Variants in LRFN5 observed in about 807,000 individuals in gnomAD.
LRFN5 encodes the protein leucine rich repeat and fibronectin type III domain containing 5, also known as leucine-rich repeat and fibronectin type-III domain-containing protein 5.
In LRFN5, 24 loss-of-function variants were observed where a neutral mutation model predicts 45.6. The ratio of observed to expected loss-of-function variants is 0.53; its 90% CI spans 0.38 to 0.74. The LOEUF (loss-of-function observed/expected upper bound fraction) is 0.74. Among genes scored for constraint, LRFN5 ranks in the 30% least tolerant of loss-of-function variants. The pLI is 0.00. For missense variants in LRFN5, 776 were observed against 861.5 expected (o/e 0.90, Z 1.24); for synonymous variants, 340 against 313.8 (o/e 1.08, Z -0.88).
chr14:41,652,919 G>A (rs1332148570), intron 1 of LRFN5, among the ~76,000 whole-genome samples: 1 of 152,032 alleles, frequency 6.6e-6, no homozygotes, highest in Non-Finnish European at 1.5e-5. Context: ...GCTCAGTATT[G>A]TTGAGAGTGT....
At chr14:41,839,398 A>G (rs1449353944) in intron 2 of LRFN5, among the ~76,000 whole-genome samples, 2 of 152,072 alleles carry the variant, frequency 1.3e-5, no homozygotes, top group East Asian at 3.9e-4. Context: ...TGTATATTTG[A>G]TCCTTAAGAT....
intron 1 of LRFN5, among the ~76,000 whole-genome samples, chr14:41,645,650 T>A (rs532358397): frequency 4.6e-5 from 7 of 152,322 alleles, no homozygotes; most frequent in Admixed American, 1.3e-4. Context: ...ATGTTCCTCT[T>A]AAACTAAAAT....
At chr14:41,736,578 G>T (rs994867809) in intron 1 of LRFN5, among the ~76,000 whole-genome samples, 1 of 151,720 alleles carries the variant, frequency 6.6e-6, no homozygotes, top group African/African-American at 2.4e-5. Flanking sequence ...TTCTTTTGTT[G>T]TGCAGAAGCT....
At chr14:41,727,815 T>G (rs1385977863) in intron 1 of LRFN5, among the ~76,000 whole-genome samples, 1 of 152,176 alleles carries the variant, frequency 6.6e-6, no homozygotes, top group Non-Finnish European at 1.5e-5. Flanking sequence ...TATGTGACTT[T>G]GAGCCAAAAT....
chr14:41,693,818 A>G (rs974856821), intron 1 of LRFN5, among the ~76,000 whole-genome samples: 1 of 152,008 alleles, frequency 6.6e-6, no homozygotes, highest in African/African-American at 2.4e-5. Flanking sequence ...TAAAAACAGA[A>G]AGAATAAATG....
chr14:41,851,253 A>G (rs1889255523), intron 2 of LRFN5, among the ~76,000 whole-genome samples: 2 of 148,976 alleles, frequency 1.3e-5, no homozygotes, highest in Non-Finnish European at 3.0e-5. Flanking sequence ...CAATGAAACT[A>G]GAAAACAATT....
chr14:41,828,745 C>G (rs1888378981), intron 2 of LRFN5, among the ~76,000 whole-genome samples: 1 of 151,982 alleles, frequency 6.6e-6, no homozygotes, highest in Non-Finnish European at 1.5e-5. Flanking sequence ...AGGGACACTA[C>G]TATTTCTCAC....
intron 2 of LRFN5, among the ~76,000 whole-genome samples, chr14:41,777,108 A>G (rs1886320235): frequency 6.6e-6 from 1 of 151,888 alleles, no homozygotes; most frequent in African/African-American, 2.4e-5. Context: ...TATTTGTAAT[A>G]TGTCTCAATA....
intron 2 of LRFN5, among the ~76,000 whole-genome samples, chr14:41,871,478 A>C (rs1481767946): frequency 2.0e-5 from 3 of 151,992 alleles, no homozygotes; most frequent in Admixed American, 6.6e-5. Context: ...AATCCCAGCT[A>C]TTTGGGAGTC....
intron 1 of LRFN5, among the ~76,000 whole-genome samples, chr14:41,633,679 T>C (rs1206118470): frequency 6.6e-6 from 1 of 152,202 alleles, no homozygotes; most frequent in Non-Finnish European, 1.5e-5. Flanking sequence ...TATTCTTTTT[T>C]TCAATTACAT....
At chr14:41,773,390 T>A (rs975884271) in intron 2 of LRFN5, among the ~76,000 whole-genome samples, 1 of 152,206 alleles carries the variant, frequency 6.6e-6, no homozygotes, top group Non-Finnish European at 1.5e-5. Context: ...CTGTATTTCA[T>A]TATATTTTTA....
At chr14:41,898,993 C>CA in intron 5 of LRFN5, 33 bp downstream of exon 5, 1 of 1,544,984 alleles carries the variant, frequency 6.5e-7, no homozygotes, top group Admixed American at 1.8e-5. Context: ...CTTACTTCAA[C>CA]ACTTAAATGG....
intron 2 of LRFN5, among the ~76,000 whole-genome samples, chr14:41,801,927 G>A (rs553035451): frequency 2.0e-5 from 3 of 152,196 alleles, no homozygotes; most frequent in Admixed American, 2.0e-4. Flanking sequence ...AAGGAACTGG[G>A]AGGGACCTCA....
intron 1 of LRFN5, among the ~76,000 whole-genome samples, chr14:41,610,453 C>T (rs139459483): frequency 1.4e-4 from 21 of 151,694 alleles, no homozygotes; most frequent in African/African-American, 4.8e-4. Flanking sequence ...TCATTTATAC[C>T]CGTATTGTTT....
At chr14:41,883,447 A>G (rs896058203) in intron 2 of LRFN5, among the ~76,000 whole-genome samples, 2 of 152,000 alleles carry the variant, frequency 1.3e-5, no homozygotes, top group African/African-American at 4.8e-5. Context: ...ATCATATATA[A>G]TTTTCCTTCA....
chr14:41,858,761 A>G (rs999345925), intron 2 of LRFN5, among the ~76,000 whole-genome samples: 1 of 152,008 alleles, frequency 6.6e-6, no homozygotes, highest in African/African-American at 2.4e-5. Context: ...CTTTGTCTCC[A>G]CCACTACACA....
At chr14:41,699,045 G>T (rs1157939388) in intron 1 of LRFN5, among the ~76,000 whole-genome samples, 2 of 152,010 alleles carry the variant, frequency 1.3e-5, no homozygotes, top group East Asian at 3.9e-4. Flanking sequence ...AGATGAGTTT[G>T]AGAAAAGACA....
intron 1 of LRFN5, among the ~76,000 whole-genome samples, chr14:41,739,562 A>G (rs1884599595): frequency 6.6e-6 from 1 of 152,148 alleles, no homozygotes; most frequent in Non-Finnish European, 1.5e-5. Flanking sequence ...GGATACAGCA[A>G]AAACAATCCT....
chr14:41,874,605 A>T lies in LRFN5; in HGVS notation c.-20-12001A>T, dbSNP rs147503206. On this transcript the variant is annotated intron_variant, in intron 2 of 5. Coordinates refer to ENST00000298119, the MANE Select transcript of LRFN5 (RefSeq NM_152447.5). ...CATAATGCACTTTAATTTATCAAGT[A>T]GAGGAATTTGGCTATCCTTGTTTTA... is the stretch of plus-strand genomic sequence containing the variant. 3.9e-4 allele frequency among the ~76,000 whole-genome samples: 59 copies of T among 152,300 alleles called. 2 individuals are homozygous for T. The East Asian group carries it at 7.0e-3, about 18-fold the overall frequency.
Sources: gnomAD v4.1 joint callset for allele counts (sites outside exome capture counted in the v4.1 genomes callset) on GRCh38, gnomAD v4.1.1 for gene constraint, MANE v1.5 for transcripts, NCBI Gene and HGNC (gene_info 2026-07-23, HGNC 2026-07-21) for gene names.